CNTNAP4: variants seen among roughly 807,000 people sequenced by gnomAD.
CNTNAP4 encodes contactin associated protein family member 4, also known as contactin-associated protein-like 4.
In CNTNAP4, 98 loss-of-function variants were observed where a neutral mutation model predicts 148.4. The ratio of observed to expected loss-of-function variants is 0.66; its 90% CI spans 0.56 to 0.78. The LOEUF (loss-of-function observed/expected upper bound fraction) is 0.78, where lower values mean the gene tolerates loss of function less well. CNTNAP4 is among the 30% of genes least tolerant of loss of function. CNTNAP4 has a pLI of 0.00. For synonymous variants in CNTNAP4, 730 were observed against 565.1 expected (o/e 1.29, Z -4.14); for missense variants, 1,935 against 1,565.6 (o/e 1.24, Z -3.98).
At chr16:76,411,796 T>C (rs1318522237) in intron 3 of CNTNAP4, among the ~76,000 whole-genome samples, 7 of 151,458 alleles carry the variant, frequency 4.6e-5, no homozygotes, top group Admixed American at 4.0e-4. Flanking sequence ...ATGCTTATTT[T>C]CATGTAACTT....
chr16:76,381,353 C>A (rs58292281), intron 3 of CNTNAP4, among the ~76,000 whole-genome samples: 6,916 of 152,170 alleles, frequency 0.045, 484 homozygotes, highest in African/African-American at 0.16. Context: ...CCTCCCACCC[C>A]AGTGTTTTCC....
At position 76,448,042 on chromosome 16, in the gene CNTNAP4, G is replaced by A; in HGVS notation, c.569G>A (p.Ser190Asn). The stretch of plus-strand genomic sequence containing the variant: ...GAAGTGGTTGATCTTGATGGAAAAA[G>A]TTCCCTTCTCTACAGATTTGATCAA... ...RSEVVDLDGK[S>N]SLLYRFDQKS... The change falls in exon 5 of 24, where the codon AGT (serine) becomes AAT (asparagine). Residue 190 changes from serine (S) to asparagine (N), a missense_variant. Coordinates refer to ENST00000611870, the MANE Select transcript of CNTNAP4 (RefSeq NM_033401.5). 1 of 1,613,576 alleles carries A rather than the reference G, an allele frequency of 6.2e-7. No homozygotes were observed. The highest frequency in any genetic ancestry group is 8.5e-7 in the Non-Finnish European group (1 of 1,179,644).
chr16:76,347,396 G>T (rs1217024458), intron 2 of CNTNAP4, among the ~76,000 whole-genome samples: 1 of 152,074 alleles, frequency 6.6e-6, no homozygotes, highest in Non-Finnish European at 1.5e-5. Flanking sequence ...GACACTTGGG[G>T]TCTATCAATG....
intron 19 of CNTNAP4, among the ~76,000 whole-genome samples, chr16:76,538,701 C>T (rs901428270): frequency 4.0e-5 from 6 of 151,510 alleles, no homozygotes; most frequent in African/African-American, 1.5e-4. Flanking sequence ...TAACTATTTC[C>T]TGCAAATCAA....
intron 10 of CNTNAP4, among the ~76,000 whole-genome samples, chr16:76,472,718 G>A (rs775332952): frequency 5.9e-5 from 9 of 152,020 alleles, no homozygotes; most frequent in Non-Finnish European, 1.2e-4. Context: ...CAATGAATAC[G>A]ACATGTTCTT....
intron 3 of CNTNAP4, among the ~76,000 whole-genome samples, chr16:76,371,123 T>C (rs1048774325): frequency 3.3e-5 from 5 of 152,172 alleles, no homozygotes; most frequent in Non-Finnish European, 7.4e-5. Flanking sequence ...TTTCTCAAAA[T>C]ATGTGTTAGA....
rs558448766 is a variant in CNTNAP4 at position 76,340,057 on chromosome 16, C to T, written c.197-15261C>T. Among the ~76,000 whole-genome samples the T allele has an allele frequency of 5.3e-5, 8 of 152,178 alleles. No individual in the cohort carries two copies. The South Asian group carries it at 1.0e-3, about 20-fold the overall frequency. The stretch of plus-strand genomic sequence containing the variant: ...AGAACAGGTTTCATAGAAAAATGCA[C>T]GGTTTTCTTAGGCTCCACTGTCAGA... On this transcript the variant is annotated intron_variant, in intron 2 of 23. Transcript: ENST00000611870.
chr16:76,410,704 G>T (rs8057471), intron 3 of CNTNAP4, among the ~76,000 whole-genome samples: 53,770 of 151,338 alleles, frequency 0.36, 11,020 homozygotes, highest in Non-Finnish European at 0.44. Context: ...TTAATTATGT[G>T]ACTAAATTGT....
chr16:76,292,798 C>A (rs1959165424), intron 1 of CNTNAP4, among the ~76,000 whole-genome samples: 1 of 152,070 alleles, frequency 6.6e-6, no homozygotes, highest in Admixed American at 6.5e-5. Context: ...TTATCAGGGA[C>A]AGCAACCTAT....
At chr16:76,315,663 C>G (rs913866823) in intron 1 of CNTNAP4, among the ~76,000 whole-genome samples, 7 of 151,388 alleles carry the variant, frequency 4.6e-5, no homozygotes, top group African/African-American at 1.7e-4. Flanking sequence ...GGTGTGATCT[C>G]GGCTCACTGC....
chr16:76,529,928 A>G (rs962543266), intron 17 of CNTNAP4, among the ~76,000 whole-genome samples: 1 of 151,988 alleles, frequency 6.6e-6, no homozygotes, highest in Non-Finnish European at 1.5e-5. Flanking sequence ...AGGTCACGGC[A>G]TATGCATAGG....
chr16:76,333,153 G>T (rs1237716274), intron 2 of CNTNAP4, among the ~76,000 whole-genome samples: 7 of 152,080 alleles, frequency 4.6e-5, no homozygotes, highest in African/African-American at 1.7e-4. Flanking sequence ...GAAATCTCTG[G>T]GCTAGGGTTA....
intron 17 of CNTNAP4, among the ~76,000 whole-genome samples, chr16:76,532,112 T>C (rs2084008990): frequency 6.6e-6 from 1 of 152,214 alleles, no homozygotes; most frequent in Non-Finnish European, 1.5e-5. Context: ...GTCAGCAAGA[T>C]TGATTTCATA....
intron 2 of CNTNAP4, among the ~76,000 whole-genome samples, chr16:76,331,090 C>T (rs567998748): frequency 3.0e-4 from 45 of 151,614 alleles, no homozygotes; most frequent in Non-Finnish European, 5.7e-4. Context: ...CTATATTCAT[C>T]AGGTTCCAAA....
intron 1 of CNTNAP4, among the ~76,000 whole-genome samples, chr16:76,304,567 A>T (rs910189261): frequency 3.9e-5 from 6 of 152,178 alleles, no homozygotes; most frequent in Admixed American, 6.5e-5. Context: ...GAGGATTGGG[A>T]TAATCTTCCA....
chr16:76,370,969 G>A, intron 3 of CNTNAP4, among the ~76,000 whole-genome samples: 1 of 151,976 alleles, frequency 6.6e-6, no homozygotes, highest in East Asian at 1.9e-4. Flanking sequence ...GGCAAAGCTA[G>A]CCAAGAACAG....
chr16:76,397,797 TTGTG>T (rs10687638), intron 3 of CNTNAP4, among the ~76,000 whole-genome samples: 2 of 144,118 alleles, frequency 1.4e-5, no homozygotes, highest in African/African-American at 5.1e-5. Flanking sequence ...GTGCATGTGT[TTGTG>T]TGTGTGTGTG....
chr16:76,317,252 C>CAAA, intron 2 of CNTNAP4, among the ~76,000 whole-genome samples: 1 of 86,304 alleles, frequency 1.2e-5, no homozygotes, highest in Non-Finnish European at 2.4e-5. Flanking sequence ...GACCCTGTCT[C>CAAA]AAAAAAAAAA....
intron 3 of CNTNAP4, among the ~76,000 whole-genome samples, chr16:76,379,760 T>C (rs560646216): frequency 2.6e-5 from 4 of 152,328 alleles, no homozygotes; most frequent in African/African-American, 9.6e-5. Context: ...TACTGACTGA[T>C]CTTAGCTGGT....
Sources: allele counts gnomAD v4.1 joint callset (sites outside exome capture counted in the v4.1 genomes callset), GRCh38; gene constraint gnomAD v4.1.1; transcripts MANE v1.5; gene names NCBI Gene and HGNC (gene_info 2026-07-23, HGNC 2026-07-21).